STARD3NL: variants seen among roughly 807,000 people sequenced by gnomAD.
STARD3NL encodes the protein STARD3 N-terminal-like protein.
STARD3NL carries 17 observed loss-of-function variants against 30.9 expected under a neutral mutation model. That is an observed-to-expected ratio of 0.55 (90% confidence interval 0.38 to 0.82). The LOEUF (loss-of-function observed/expected upper bound fraction) is 0.82. STARD3NL is among the 40% of genes least tolerant of loss of function. The pLI, the probability that STARD3NL is intolerant of heterozygous loss-of-function variation, is 0.00. For missense variants in STARD3NL, 234 were observed against 277.6 expected, an observed-to-expected ratio of 0.84 and a Z score of 1.12; for synonymous variants, 112 against 100.5, an observed-to-expected ratio of 1.11 and a Z score of -0.69.
At chr7:38,223,482 A>G (rs1007261670) in intron 7 of STARD3NL, among the ~76,000 whole-genome samples, 4 of 152,160 alleles carry the variant, frequency 2.6e-5, no homozygotes, top group Admixed American at 6.5e-5. Flanking sequence ...AAAATGAGGA[A>G]TTGCTCAATT....
chr7:38,229,426 T>G (rs1223706759), intron 8 of STARD3NL, among the ~76,000 whole-genome samples: 5 of 152,252 alleles, frequency 3.3e-5, no homozygotes, highest in Admixed American at 1.3e-4. Context: ...GCAGTCATGC[T>G]TAATGGGCTC....
At chr7:38,207,153 A>G (rs1785531667) in intron 1 of STARD3NL, among the ~76,000 whole-genome samples, 2 of 152,198 alleles carry the variant, frequency 1.3e-5, no homozygotes, top group African/African-American at 4.8e-5. Context: ...GGTTTGGTCC[A>G]GGTCATCAGG....
At chr7:38,193,408 C>T (rs1318994758) in intron 1 of STARD3NL, among the ~76,000 whole-genome samples, 2 of 152,132 alleles carry the variant, frequency 1.3e-5, no homozygotes, top group Non-Finnish European at 2.9e-5. Flanking sequence ...ACGCCATCCT[C>T]CTGCCTCAGA....
At chr7:38,197,721 G>C (rs935672054) in intron 1 of STARD3NL, among the ~76,000 whole-genome samples, 1 of 152,188 alleles carries the variant, frequency 6.6e-6, no homozygotes, top group African/African-American at 2.4e-5. Flanking sequence ...CGGTGACGCT[G>C]TCTTGCTGTG....
rs1785639242 is a variant in STARD3NL at position 38,208,919 on chromosome 7, A to G, written c.225+1190A>G. Among the ~76,000 whole-genome samples, 3 of 152,246 alleles carry G rather than the reference A, an allele frequency of 2.0e-5. No individual in the cohort carries two copies. The South Asian group carries it at 6.2e-4, about 31-fold the overall frequency. ...AATTCTAAACTCTATTCTCTTAATA[A>G]TTAGGGTCACTGAATCTCATTTAAT... On this transcript the variant is annotated intron_variant, in intron 2 of 8. Transcript: ENST00000009041.
chr7:38,211,069 T>G (rs1315675710), intron 2 of STARD3NL, among the ~76,000 whole-genome samples: 1 of 152,232 alleles, frequency 6.6e-6, no homozygotes, highest in Admixed American at 6.5e-5. Flanking sequence ...TTATAGTTCA[T>G]GTAATTTATT....
At chr7:38,216,484 A>AGTGTGTGTGTGT (rs374049044) in intron 4 of STARD3NL, 6 of 116,442 alleles carry the variant, frequency 5.2e-5, no homozygotes, top group Admixed American at 1.6e-4. Context: ...TGTGTGTGTG[A>AGTGTGTGTGTGT]GTGTGTGTGT....
chr7:38,215,224 TCC>T, intron 4 of STARD3NL, 119 bp downstream of exon 4: 1 of 890,646 alleles, frequency 1.1e-6, no homozygotes, highest in Non-Finnish European at 1.8e-6. Flanking sequence ...CCACCAGCTT[TCC>T]TGAGTCCCGT....
At chr7:38,191,735 T>C (rs2116016106) in intron 1 of STARD3NL, among the ~76,000 whole-genome samples, 1 of 152,318 alleles carries the variant, frequency 6.6e-6, no homozygotes, top group Non-Finnish European at 1.5e-5. Flanking sequence ...TTATGTTCTA[T>C]TGACCTATTT....
intron 1 of STARD3NL, among the ~76,000 whole-genome samples, chr7:38,198,720 C>T (rs1262723356): frequency 6.6e-6 from 1 of 152,158 alleles, no homozygotes; most frequent in Non-Finnish European, 1.5e-5. Flanking sequence ...TCTCTCTTCT[C>T]CTCCTAGGAA....
At chr7:38,221,452 T>C (rs551138121) in intron 7 of STARD3NL, among the ~76,000 whole-genome samples, 8 of 152,268 alleles carry the variant, frequency 5.3e-5, no homozygotes, top group African/African-American at 1.9e-4. Context: ...GCCTGGCATA[T>C]TAGATGTTTG....
chr7:38,229,423 T>C (rs766018597), intron 8 of STARD3NL, among the ~76,000 whole-genome samples: 3 of 152,262 alleles, frequency 2.0e-5, no homozygotes, highest in African/African-American at 7.2e-5. Context: ...AAAGCAGTCA[T>C]GCTTAATGGG....
At position 38,216,898 on chromosome 7, in the gene STARD3NL, G is replaced by C. The variant is rs936107158; in HGVS notation, c.382-127G>C. On this transcript the variant is annotated intron_variant, in intron 4 of 8. Coordinates refer to ENST00000009041, the MANE Select transcript of STARD3NL (RefSeq NM_032016.4). Reference sequence around the variant, plus strand: ...GAGAGACTGAGTGATATGGGAAGGAGCCAGGCTAGGCACAGGTTTTTCAGG... The same window carrying C: ...GAGAGACTGAGTGATATGGGAAGGACCCAGGCTAGGCACAGGTTTTTCAGG... The C allele has an allele frequency of 3.7e-6, 4 of 1,093,604 alleles. No individual in the cohort carries two copies. In the African/African-American group the frequency reaches 4.7e-5, roughly 13 times the overall value. 67.7% of individuals were successfully genotyped at this position (1,093,604 alleles called of 1,614,324 possible).
chr7:38,218,748 G>A (rs1221282957), intron 6 of STARD3NL, among the ~76,000 whole-genome samples: 24 of 152,312 alleles, frequency 1.6e-4, no homozygotes, highest in Non-Finnish European at 7.3e-5. Flanking sequence ...TTAAGTGTTG[G>A]TGGCCTTGCG....
chr7:38,190,656 A>G (rs1406622671), intron 1 of STARD3NL, among the ~76,000 whole-genome samples: 3 of 152,164 alleles, frequency 2.0e-5, no homozygotes, highest in East Asian at 3.8e-4. Flanking sequence ...ACTGTAATCA[A>G]TTCTCCAATT....
At chr7:38,216,486 T>TGTGTGA (rs1554297848) in intron 4 of STARD3NL, 93 of 150,986 alleles carry the variant, frequency 6.2e-4, no homozygotes, top group Middle Eastern at 3.4e-3. Context: ...TGTGTGTGAG[T>TGTGTGA]GTGTGTGTGT....
Position 38,217,006 on chromosome 7 carries a change from T to C in STARD3NL, c.382-19T>C. 6.2e-7 allele frequency: 1 copy of C among 1,613,956 alleles called. No homozygotes were observed. The highest frequency in any genetic ancestry group is 2.2e-5 in the East Asian group (1 of 44,884). ...GTGAGATGCCTAGTGTGAACAGTGC[T>C]GGATTATGTGTCTTGCAGTTGACAA... On this transcript the variant is annotated intron_variant, in intron 4 of 8. Coordinates refer to ENST00000009041, the MANE Select transcript of STARD3NL (RefSeq NM_032016.4).
intron 1 of STARD3NL, among the ~76,000 whole-genome samples, chr7:38,202,763 C>T (rs1785247775): frequency 7.1e-6 from 1 of 141,518 alleles, no homozygotes; most frequent in Non-Finnish European, 1.5e-5. Context: ...GTGATGTTCC[C>T]CTTCCTGTGT....
chr7:38,209,933 C>T (rs1242254319), intron 2 of STARD3NL, among the ~76,000 whole-genome samples: 1 of 152,204 alleles, frequency 6.6e-6, no homozygotes, highest in African/African-American at 2.4e-5. Flanking sequence ...TTTCCACCAA[C>T]TACTAGTTTC....
Sources: allele counts gnomAD v4.1 joint callset (sites outside exome capture counted in the v4.1 genomes callset), GRCh38; gene constraint gnomAD v4.1.1; transcripts MANE v1.5; gene names NCBI Gene and HGNC (gene_info 2026-07-23, HGNC 2026-07-21).